GLIS3: variants seen among roughly 807,000 people sequenced by gnomAD.
GLIS3 encodes GLIS family zinc finger 3.
A neutral mutation model predicts 78.6 loss-of-function variants in GLIS3; 53 were observed. That is an observed-to-expected ratio of 0.67 (90% CI 0.54 to 0.85). The LOEUF is 0.85. Among genes scored for constraint, GLIS3 ranks in the 40% least tolerant of loss-of-function variants. The pLI is 0.00. For synonymous variants in GLIS3, 684 were observed against 509.9 expected (o/e 1.34, Z -4.60); for missense variants, 1,703 against 1,231.1 (o/e 1.38, Z -5.74).
intron 4 of GLIS3, among the ~76,000 whole-genome samples, chr9:4,093,220 C>T (rs1829670053): frequency 6.6e-6 from 1 of 151,698 alleles, no homozygotes; most frequent in Non-Finnish European, 1.5e-5. Context: ...GGCAGTCTGG[C>T]TCCAGAGTCC....
At chr9:3,874,672 G>C (rs1036645647) in intron 8 of GLIS3, among the ~76,000 whole-genome samples, 1 of 152,200 alleles carries the variant, frequency 6.6e-6, no homozygotes, top group Non-Finnish European at 1.5e-5. Flanking sequence ...GTTGCAATTA[G>C]AGGACACCCA....
intron 4 of GLIS3, among the ~76,000 whole-genome samples, chr9:3,951,881 C>CAA (rs879044895): frequency 1.3e-5 from 2 of 150,498 alleles, no homozygotes; most frequent in African/African-American, 4.9e-5. Context: ...CACACACACA[C>CAA]ACACGCACGC....
intron 9 of GLIS3, among the ~76,000 whole-genome samples, chr9:3,847,150 C>T (rs1453713309): frequency 6.6e-6 from 1 of 152,098 alleles, no homozygotes; most frequent in East Asian, 1.9e-4. Context: ...CGCCTCTGTA[C>T]TCCAGCCTGG....
chr9:3,863,963 G>A (rs911697487), intron 8 of GLIS3, among the ~76,000 whole-genome samples: 1 of 152,124 alleles, frequency 6.6e-6, no homozygotes, highest in Non-Finnish European at 1.5e-5. Context: ...CAAGAGAGGA[G>A]TTTTCTGGAA....
At chr9:4,408,927 C>T in the GLIS3 span, among the ~76,000 whole-genome samples, 4 of 151,826 alleles carry the variant, frequency 2.6e-5, no homozygotes, top group African/African-American at 7.3e-5. Flanking sequence ...ACACTGCATA[C>T]CTGTGCCAAA....
chr9:3,901,215 G>T, intron 6 of GLIS3: 1 of 177,762 alleles, frequency 5.6e-6, no homozygotes, highest in Non-Finnish European at 1.2e-5. Context: ...CAGCCCGCTC[G>T]CACCGGAGTG....
intron 2 of GLIS3, among the ~76,000 whole-genome samples, chr9:4,273,070 C>A (rs182358783): frequency 6.6e-6 from 1 of 152,144 alleles, no homozygotes; most frequent in South Asian, 2.1e-4. Flanking sequence ...AGAGCTTTTA[C>A]GGTTCTAAAT....
the GLIS3 span, among the ~76,000 whole-genome samples, chr9:4,480,641 A>T: frequency 6.6e-6 from 1 of 152,178 alleles, no homozygotes; most frequent in East Asian, 1.9e-4. Context: ...ACAAATCATA[A>T]TATCCTCAGC....
the GLIS3 span, among the ~76,000 whole-genome samples, chr9:4,366,735 G>A: frequency 2.0e-5 from 3 of 152,194 alleles, no homozygotes; most frequent in African/African-American, 7.2e-5. Context: ...AGGAGTGCCA[G>A]TAAGTTCTGG....
intron 4 of GLIS3, among the ~76,000 whole-genome samples, chr9:4,001,503 A>T (rs1459953652): frequency 1.3e-5 from 2 of 152,230 alleles, no homozygotes; most frequent in Non-Finnish European, 2.9e-5. Flanking sequence ...GACAAGTTGT[A>T]TTAATGGAAA....
At chr9:4,446,837 T>G in the GLIS3 span, among the ~76,000 whole-genome samples, 3 of 151,912 alleles carry the variant, frequency 2.0e-5, no homozygotes, top group African/African-American at 7.3e-5. Flanking sequence ...GATGTGAAAG[T>G]GCTTTCATTG....
chr9:4,068,006 G>C (rs1199362691), intron 4 of GLIS3, among the ~76,000 whole-genome samples: 1 of 152,024 alleles, frequency 6.6e-6, no homozygotes, highest in African/African-American at 2.4e-5. Flanking sequence ...AAGTCAGAGA[G>C]CATTATGCTA....
At chr9:3,911,435 G>A (rs898555813) in intron 6 of GLIS3, among the ~76,000 whole-genome samples, 7 of 152,180 alleles carry the variant, frequency 4.6e-5, no homozygotes, top group African/African-American at 1.7e-4. Flanking sequence ...TGGCTACCAT[G>A]TACCCTTCTT....
chr9:4,139,128 C>G (rs1203368845), intron 2 of GLIS3, among the ~76,000 whole-genome samples: 13 of 152,144 alleles, frequency 8.5e-5, no homozygotes, highest in Non-Finnish European at 1.6e-4. Flanking sequence ...GCTGAAGTGC[C>G]TTTAAGGAAT....
chr9:4,358,376 G>A, the GLIS3 span, among the ~76,000 whole-genome samples: 1 of 151,994 alleles, frequency 6.6e-6, no homozygotes, highest in Non-Finnish European at 1.5e-5. Flanking sequence ...ATAATTATCA[G>A]GTACCAAGCA....
the GLIS3 span, among the ~76,000 whole-genome samples, chr9:4,455,170 G>T: frequency 1.2e-4 from 18 of 152,258 alleles, no homozygotes; most frequent in Non-Finnish European, 7.3e-5. Flanking sequence ...GTGGCATATT[G>T]TAAAGTTACT....
chr9:4,300,945 G>A (rs1817044844), upstream of GLIS3, among the ~76,000 whole-genome samples: 1 of 152,008 alleles, frequency 6.6e-6, no homozygotes. Context: ...CAGACACTTA[G>A]AATTTCACAA....
the GLIS3 span, among the ~76,000 whole-genome samples, chr9:4,470,306 G>C: frequency 2.0e-5 from 3 of 152,086 alleles, no homozygotes; most frequent in Non-Finnish European, 4.4e-5. Flanking sequence ...AAAAAAGAAA[G>C]ATAATTTTAG....
At chr9:4,195,731 C>G (rs1302482709) in intron 2 of GLIS3, among the ~76,000 whole-genome samples, 1 of 152,270 alleles carries the variant, frequency 6.6e-6, no homozygotes, top group Non-Finnish European at 1.5e-5. Flanking sequence ...GCGAAGCCAG[C>G]TGGGCTCCTG....
Sources: gnomAD v4.1 joint callset for allele counts (sites outside exome capture counted in the v4.1 genomes callset) on GRCh38, gnomAD v4.1.1 for gene constraint, MANE v1.5 for transcripts, NCBI Gene and HGNC (gene_info 2026-07-23, HGNC 2026-07-21) for gene names.